Variants in UMAD1 observed in about 807,000 individuals in gnomAD.
The protein encoded by UMAD1 is UBAP1-MVB12-associated (UMA) domain containing 1.
Under a neutral mutation model 6.1 loss-of-function variants are expected in UMAD1, and 8 were observed. The observed-to-expected ratio is 1.30, with a 90% confidence interval of 0.76 to 2.35. The LOEUF is 2.35. UMAD1 is among the 30% of genes most tolerant of loss of function. The pLI, the probability that UMAD1 is intolerant of heterozygous loss-of-function variation, is 0.00. For missense variants in UMAD1, 130 were observed against 78.4 expected (o/e 1.66, Z -2.49); for synonymous variants, 56 against 31.4 (o/e 1.78, Z -2.61).
At chr7:7,798,007 G>A (rs920188168) in intron 2 of UMAD1, among the ~76,000 whole-genome samples, 1 of 152,080 alleles carries the variant, frequency 6.6e-6, no homozygotes, top group African/African-American at 2.4e-5. Context: ...TTTTTATCCC[G>A]GAAATGATGG....
intron 2 of UMAD1, among the ~76,000 whole-genome samples, chr7:7,740,025 C>G (rs1345407359): frequency 6.6e-6 from 1 of 152,206 alleles, no homozygotes. Context: ...ATACAGTGAA[C>G]CCTTTTTCCC....
Position 7,673,343 on chromosome 7 carries a change from CAGCAGCAG to C in UMAD1, c.-28_-21del. 7.9e-7 allele frequency: 1 copy of C among 1,267,656 alleles called. No homozygotes were observed. The highest frequency in any genetic ancestry group is 1.1e-6 in the Non-Finnish European group (1 of 900,996). The allele number at this position is 1,267,656 out of a possible 1,614,324, so 78.5% of individuals were successfully genotyped here. ...GCAGCAGCAGCAGCAGCAGCAGCAG[CAGCAGCAG>C]CAGCAGCAGCAGCAGCAGCAATGTT... On this transcript the variant is annotated 5_prime_UTR_variant, in exon 2 of 4. Coordinates refer to ENST00000682710, the MANE Select transcript of UMAD1 (RefSeq NM_001302348.2).
chr7:7,651,493 A>G (rs2115550642), intron 1 of UMAD1, among the ~76,000 whole-genome samples: 1 of 152,034 alleles, frequency 6.6e-6, no homozygotes, highest in South Asian at 2.1e-4. Flanking sequence ...TCTGTCTCGT[A>G]TTTTCCTGCC....
chr7:7,833,269 AGCAACG>A (rs1783499058), intron 3 of UMAD1, among the ~76,000 whole-genome samples: 2 of 152,186 alleles, frequency 1.3e-5, no homozygotes, highest in Non-Finnish European at 2.9e-5. Context: ...AGATACACTC[AGCAACG>A]TTGTGGAAAT....
At chr7:7,843,135 G>A (rs1471559383) in intron 3 of UMAD1, among the ~76,000 whole-genome samples, 2 of 152,140 alleles carry the variant, frequency 1.3e-5, no homozygotes, top group Non-Finnish European at 2.9e-5. Flanking sequence ...AAGTCTCTCT[G>A]CCACTTTAAG....
chr7:7,793,993 A>G (rs1029691001), intron 2 of UMAD1, among the ~76,000 whole-genome samples: 2 of 152,162 alleles, frequency 1.3e-5, no homozygotes, highest in African/African-American at 4.8e-5. Context: ...CTTAGATGCT[A>G]AAGTGCATTA....
chr7:7,695,318 A>C (rs936056413), intron 2 of UMAD1, among the ~76,000 whole-genome samples: 1 of 152,226 alleles, frequency 6.6e-6, no homozygotes, highest in African/African-American at 2.4e-5. Context: ...TCTCAAGCCC[A>C]GCCAACTTTA....
intron 3 of UMAD1, among the ~76,000 whole-genome samples, chr7:7,850,117 G>C (rs962449166): frequency 2.6e-5 from 4 of 152,040 alleles, no homozygotes; most frequent in Non-Finnish European, 4.4e-5. Context: ...ATACAATTTT[G>C]TATATAAATC....
intron 2 of UMAD1, among the ~76,000 whole-genome samples, chr7:7,719,720 T>C (rs1161019358): frequency 1.3e-5 from 2 of 152,240 alleles, no homozygotes; most frequent in Admixed American, 6.5e-5. Flanking sequence ...AGTTTTCATA[T>C]GTGAACTGAA....
chr7:7,787,907 A>G lies in UMAD1; in HGVS notation c.83-13763A>G, dbSNP rs145573817. ...AGTGCTATTAATAAGCTTATTTCCT[A>G]TTACCAAAGTGTATCATCTTAAATT... On this transcript the variant is annotated intron_variant, in intron 2 of 3. Transcript: ENST00000682710. Among the ~76,000 whole-genome samples the G allele has an allele frequency of 1.4e-3, 214 of 152,264 alleles. 1 individual carries two copies. The highest frequency in any genetic ancestry group is 4.8e-3 in the African/African-American group (199 of 41,536).
intron 3 of UMAD1, among the ~76,000 whole-genome samples, chr7:7,808,857 A>G (rs1042304089): frequency 3.3e-5 from 5 of 151,992 alleles, no homozygotes; most frequent in African/African-American, 9.7e-5. Context: ...ACACATATAA[A>G]ATAATAACTA....
intron 3 of UMAD1, among the ~76,000 whole-genome samples, chr7:7,866,402 A>G (rs1481858178): frequency 1.3e-5 from 2 of 152,174 alleles, no homozygotes; most frequent in African/African-American, 4.8e-5. Flanking sequence ...GAACACAGGG[A>G]TGGTTACTTG....
At chr7:7,785,416 T>C (rs1392343359) in intron 2 of UMAD1, among the ~76,000 whole-genome samples, 2 of 152,010 alleles carry the variant, frequency 1.3e-5, no homozygotes, top group East Asian at 3.9e-4. Flanking sequence ...AGTGTAGAGT[T>C]GGAACCGAAG....
intron 2 of UMAD1, among the ~76,000 whole-genome samples, chr7:7,687,496 G>GC (rs780779009): frequency 2.6e-5 from 4 of 152,196 alleles, no homozygotes; most frequent in Non-Finnish European, 5.9e-5. Context: ...TGTGCACCCT[G>GC]CCAGGGCCAC....
intron 3 of UMAD1, among the ~76,000 whole-genome samples, chr7:7,804,743 A>T (rs1471845051): frequency 6.6e-6 from 1 of 152,228 alleles, no homozygotes; most frequent in Non-Finnish European, 1.5e-5. Flanking sequence ...ACACTTTGGG[A>T]GGCTGAGGCA....
chr7:7,731,381 A>T (rs1267163296), intron 2 of UMAD1, among the ~76,000 whole-genome samples: 1 of 152,040 alleles, frequency 6.6e-6, no homozygotes, highest in Non-Finnish European at 1.5e-5. Context: ...GGACATTTGG[A>T]AGCAGTGTTC....
chr7:7,785,520 G>A (rs1203066498), intron 2 of UMAD1, among the ~76,000 whole-genome samples: 1 of 152,196 alleles, frequency 6.6e-6, no homozygotes, highest in African/African-American at 2.4e-5. Flanking sequence ...AAGCACAATA[G>A]GGGCCATAAA....
intron 2 of UMAD1, among the ~76,000 whole-genome samples, chr7:7,746,045 C>T (rs1781567016): frequency 6.6e-6 from 1 of 152,140 alleles, no homozygotes; most frequent in Non-Finnish European, 1.5e-5. Context: ...CAATTGGTGC[C>T]TTTCTGAAGG....
At chr7:7,722,543 T>C (rs572414623) in intron 2 of UMAD1, among the ~76,000 whole-genome samples, 1 of 152,288 alleles carries the variant, frequency 6.6e-6, no homozygotes, top group African/African-American at 2.4e-5. Flanking sequence ...CTAAGGAATG[T>C]AATGAAGTTG....
Sources: gnomAD v4.1 joint callset for allele counts (sites outside exome capture counted in the v4.1 genomes callset) on GRCh38, gnomAD v4.1.1 for gene constraint, MANE v1.5 for transcripts, NCBI Gene and HGNC (gene_info 2026-07-23, HGNC 2026-07-21) for gene names.